The following KMT2C variants were observed in gnomAD, a reference collection of about 807,000 sequenced individuals.
KMT2C encodes the protein histone-lysine N-methyltransferase 2C.
A neutral mutation model predicts 507.9 loss-of-function variants in KMT2C; 88 were observed. That is an observed-to-expected ratio of 0.17 (90% CI 0.15 to 0.21). The LOEUF is 0.21. KMT2C is among the 10% of genes least tolerant of loss of function. KMT2C has a pLI of 1.00. For synonymous variants in KMT2C, 2,049 were observed against 2,080.8 expected (o/e 0.98, Z 0.42); for missense variants, 4,954 against 5,957.8 (o/e 0.83, Z 5.55).
chr7:152,323,620 C>G (rs1184175749), intron 3 of KMT2C, among the ~76,000 whole-genome samples: 1 of 129,366 alleles, frequency 7.7e-6, no homozygotes, highest in East Asian at 2.2e-4. Flanking sequence ...GCCTGGGCAA[C>G]AGAGTGACAC....
chr7:152,165,374 A>G (rs2092681514), intron 42 of KMT2C, among the ~76,000 whole-genome samples: 1 of 152,254 alleles, frequency 6.6e-6, no homozygotes, highest in Non-Finnish European at 1.5e-5. Flanking sequence ...TGCAAAAATT[A>G]GGCCCTCATC....
intron 3 of KMT2C, among the ~76,000 whole-genome samples, chr7:152,327,669 A>G (rs1300507832): frequency 1.3e-5 from 2 of 152,176 alleles, no homozygotes; most frequent in Non-Finnish European, 2.9e-5. Context: ...TTCATTAAAA[A>G]TATATTGGGC....
At chr7:152,317,612 T>C (rs1384763703) in intron 3 of KMT2C, among the ~76,000 whole-genome samples, 1 of 152,236 alleles carries the variant, frequency 6.6e-6, no homozygotes, top group Non-Finnish European at 1.5e-5. Flanking sequence ...AGAAGCCAAG[T>C]GTGAAACACA....
At chr7:152,286,952 T>G (rs904509702) in intron 6 of KMT2C, among the ~76,000 whole-genome samples, 5 of 151,892 alleles carry the variant, frequency 3.3e-5, no homozygotes, top group Non-Finnish European at 7.4e-5. Flanking sequence ...AACAAACCAG[T>G]TTAAGCCAAA....
At chr7:152,178,770 CAT>C (rs2093321346) in intron 37 of KMT2C, among the ~76,000 whole-genome samples, 1 of 152,166 alleles carries the variant, frequency 6.6e-6, no homozygotes, top group African/African-American at 2.4e-5. Context: ...AAGAATATAA[CAT>C]GGAGGTAGAG....
At chr7:152,385,981 G>C (rs199775262) in intron 1 of KMT2C, among the ~76,000 whole-genome samples, 1 of 151,806 alleles carries the variant, frequency 6.6e-6, no homozygotes, top group East Asian at 1.9e-4. Flanking sequence ...CCAGCTACTT[G>C]GGAGGCTGAG....
intron 2 of KMT2C, among the ~76,000 whole-genome samples, chr7:152,356,924 T>TAAC (rs1338168738): frequency 1.4e-5 from 2 of 145,090 alleles, no homozygotes; most frequent in Admixed American, 1.4e-4. Flanking sequence ...ATAATAATAA[T>TAAC]AATAATAATA....
intron 2 of KMT2C, among the ~76,000 whole-genome samples, chr7:152,355,934 T>A (rs555227499): frequency 6.6e-6 from 1 of 152,208 alleles, no homozygotes; most frequent in South Asian, 2.1e-4. Context: ...ACCCCCCTTA[T>A]GCTAATGAAA....
rs544775092 is a variant in KMT2C at position 152,222,653 on chromosome 7, T to C, written c.3353A>G (p.Asn1118Ser). The change falls in exon 21 of 59, where the codon AAT (asparagine) becomes AGT (serine). Residue 1118 changes from asparagine (N) to serine (S), a missense_variant. By Grantham distance (46) the Asn-to-Ser change is conservative (BLOSUM62 1). Around this residue, in one of 29 missense-constraint regions of KMT2C, gnomAD observed 52 missense variants for 162.4 expected, o/e 0.32. Transcript: ENST00000262189. ...TACATTTTCCACTTCTTCCTCAGTA[T>C]TTAAGTTCTGACAAACTGCATGCAT... ...RWMHAVCQNL[N>S]TEEEVENVAD... The C allele has an allele frequency of 2.8e-5, 45 of 1,609,290 alleles. No homozygotes were observed. In the East Asian group the frequency reaches 9.1e-4, roughly 33 times the overall value.
At chr7:152,316,007 G>A in intron 3 of KMT2C, among the ~76,000 whole-genome samples, 1 of 152,144 alleles carries the variant, frequency 6.6e-6, no homozygotes, top group Non-Finnish European at 1.5e-5. Context: ...TATGGTGACA[G>A]TTTTATTTAA....
chr7:152,175,125 G>A (rs1041026005), intron 38 of KMT2C, among the ~76,000 whole-genome samples: 13 of 147,358 alleles, frequency 8.8e-5, no homozygotes, highest in Non-Finnish European at 1.5e-4. Context: ...TACCTGGAAA[G>A]AATCTAAAAC....
chr7:152,310,184 T>C (rs1195254405), intron 5 of KMT2C, 109 bp from the exon 6 acceptor site: 2 of 703,006 alleles, frequency 2.8e-6, no homozygotes, highest in Non-Finnish European at 4.8e-6. Flanking sequence ...AAATATACAA[T>C]GGCATCCTGT....
Position 152,144,981 on chromosome 7 carries a change from G to T in KMT2C, c.14175-100C>A. ...AGGTTAATTCAGATTCTTACTGACA[G>T]AAACATACATGGAAAGCTGCCTAGC... is the stretch of plus-strand genomic sequence containing the variant. On this transcript the variant is annotated intron_variant, in intron 54 of 58. Transcript: ENST00000262189. This position sits in a 1 kb window ranked among gnomAD's most constrained non-coding sequence, Gnocchi z 4.4. The T allele has an allele frequency of 7.1e-7, 1 of 1,404,742 alleles. No homozygotes were observed. Among genetic ancestry groups the T allele is most frequent in the Non-Finnish European group, 9.6e-7 (1 of 1,039,206 alleles). 87.0% of individuals were successfully genotyped at this position (1,404,742 alleles called of 1,614,324 possible). A position where few individuals can be genotyped will look rare whatever the true frequency, so the allele number is the denominator to read the frequency against.
At chr7:152,210,373 C>T (rs2094426965) in intron 23 of KMT2C, among the ~76,000 whole-genome samples, 1 of 152,192 alleles carries the variant, frequency 6.6e-6, no homozygotes, top group South Asian at 2.1e-4. Flanking sequence ...AAAATACTAT[C>T]TATCCAGTCT....
chr7:152,421,019 T>TA (rs1007616633), intron 1 of KMT2C, among the ~76,000 whole-genome samples: 18 of 150,372 alleles, frequency 1.2e-4, no homozygotes, highest in East Asian at 7.8e-4. Flanking sequence ...TAAAGTATAA[T>TA]AAAAAAATAG....
rs1209140552 is a variant in KMT2C at position 152,177,278 on chromosome 7, C to T, written c.8175G>A (p.Glu2725=). The T allele has an allele frequency of 1.2e-6, 2 of 1,613,938 alleles. No homozygotes were observed. Among genetic ancestry groups the T allele is most frequent in the Admixed American group, 1.7e-5 (1 of 60,030 alleles). The change falls in exon 38 of 59, where the codon GAG becomes GAA. Residue 2725 remains glutamate, a synonymous_variant. Coordinates refer to ENST00000262189, the MANE Select transcript of KMT2C (RefSeq NM_170606.3). ...TATCCAATTCAACTACCTTGCCATC[C>T]TCTGTATCTAAATTTAAGTTTTCAA... The part of the protein sequence containing the change: ...EDLENLNLDT[E]DGKVVELDTL...
At chr7:152,416,376 T>C (rs2097735620) in intron 1 of KMT2C, among the ~76,000 whole-genome samples, 1 of 152,246 alleles carries the variant, frequency 6.6e-6, no homozygotes, top group African/African-American at 2.4e-5. Context: ...AAACCCCATC[T>C]CTATTAAAAC....
intron 18 of KMT2C, among the ~76,000 whole-genome samples, chr7:152,228,143 A>C (rs1236451772): frequency 6.6e-6 from 1 of 152,210 alleles, no homozygotes; most frequent in Non-Finnish European, 1.5e-5. Flanking sequence ...GATATTGTAC[A>C]GGTTGTGCTT....
intron 6 of KMT2C, among the ~76,000 whole-genome samples, chr7:152,304,254 G>T (rs2096595987): frequency 2.0e-5 from 3 of 152,182 alleles, no homozygotes; most frequent in Admixed American, 2.0e-4. Flanking sequence ...AAAGTAAAAT[G>T]ATCTAATTAG....
Sources: allele counts gnomAD v4.1 joint callset (sites outside exome capture counted in the v4.1 genomes callset), GRCh38; gene constraint gnomAD v4.1.1; regional missense constraint gnomAD v4.1.1; non-coding constraint Gnocchi (gnomAD v3.1); transcripts MANE v1.5; gene names NCBI Gene and HGNC (gene_info 2026-07-23, HGNC 2026-07-21).